Variants in ST7L observed in about 807,000 individuals in gnomAD.
ST7L encodes suppressor of tumorigenicity 7 protein-like.
A neutral mutation model predicts 72.5 loss-of-function variants in ST7L; 57 were observed. That is an observed-to-expected ratio of 0.79 (90% CI 0.64 to 0.98). The LOEUF is 0.98. Among genes scored for constraint, ST7L ranks in the 50% least tolerant of loss-of-function variants. ST7L has a pLI of 0.00. For synonymous variants in ST7L, 221 were observed against 240.9 expected, an observed-to-expected ratio of 0.92 and a Z score of 0.77; for missense variants, 576 against 672.2, an observed-to-expected ratio of 0.86 and a Z score of 1.58.
At chr1:112,548,044 G>A (rs1379089734) in intron 13 of ST7L, among the ~76,000 whole-genome samples, 1 of 151,918 alleles carries the variant, frequency 6.6e-6, no homozygotes, top group Non-Finnish European at 1.5e-5. Flanking sequence ...AATTTTTATG[G>A]TAACCATTAT....
At chr1:112,520,864 A>G (rs1274908093), downstream of ST7L, 2 of 265,644 alleles carry the variant, frequency 7.5e-6, no homozygotes, top group South Asian at 1.5e-4. Flanking sequence ...TTGGTGTGCA[A>G]GAGGAAGGGT....
At chr1:112,610,768 G>A in intron 3 of ST7L, 73 bp downstream of exon 3, 1 of 1,547,806 alleles carries the variant, frequency 6.5e-7, no homozygotes, top group South Asian at 1.2e-5. Context: ...CTGCTGTTTT[G>A]AGTTTTCTAT....
chr1:112,535,384 CTAA>C (rs202040552), intron 14 of ST7L, among the ~76,000 whole-genome samples: 1 of 148,420 alleles, frequency 6.7e-6, no homozygotes, highest in Non-Finnish European at 1.5e-5. Context: ...AATAATAATA[CTAA>C]TAATAATAAG....
intron 9 of ST7L, 54 bp from the exon 10 acceptor site, chr1:112,578,471 AT>A: frequency 6.7e-7 from 1 of 1,486,384 alleles, no homozygotes; most frequent in Non-Finnish European, 9.4e-7. Flanking sequence ...TATTGAGACA[AT>A]TTTTTAATAA....
chr1:112,580,859 C>T (rs185673811), intron 9 of ST7L, among the ~76,000 whole-genome samples: 29 of 152,292 alleles, frequency 1.9e-4, no homozygotes, highest in African/African-American at 5.5e-4. Flanking sequence ...ACCTGGGAAG[C>T]GGAGCTTGCA....
intron 13 of ST7L, among the ~76,000 whole-genome samples, chr1:112,544,895 G>A (rs1386588051): frequency 6.6e-6 from 1 of 152,090 alleles, no homozygotes; most frequent in Non-Finnish European, 1.5e-5. Flanking sequence ...TCAAAATAAT[G>A]GATGACTATT....
intron 11 of ST7L, among the ~76,000 whole-genome samples, chr1:112,559,464 C>T (rs531351907): frequency 1.9e-4 from 29 of 151,866 alleles, no homozygotes; most frequent in African/African-American, 6.8e-4. Context: ...GAACTCCTGA[C>T]CTCGTGATCC....
intron 11 of ST7L, among the ~76,000 whole-genome samples, chr1:112,568,560 CT>C: frequency 6.6e-6 from 1 of 151,438 alleles, no homozygotes; most frequent in African/African-American, 2.4e-5. Flanking sequence ...TGGTCTCGAT[CT>C]CCTGACCTTG....
chr1:112,617,927 CTTATT>C (rs904522281), intron 1 of ST7L: 19 of 1,204,652 alleles, frequency 1.6e-5, no homozygotes, highest in South Asian at 1.3e-4. Context: ...TTCAGTTTAG[CTTATT>C]TTAGAGTGCT....
intron 3 of ST7L, among the ~76,000 whole-genome samples, chr1:112,605,705 A>G (rs1668139598): frequency 2.0e-5 from 3 of 151,074 alleles, no homozygotes; most frequent in Admixed American, 2.0e-4. Context: ...AAAAAAAGAG[A>G]AAAAGCTTGA....
At chr1:112,551,828 C>G (rs980768668) in intron 12 of ST7L, among the ~76,000 whole-genome samples, 1 of 152,122 alleles carries the variant, frequency 6.6e-6, no homozygotes, top group African/African-American at 2.4e-5. Flanking sequence ...TATAATAAAA[C>G]CAATTTTACC....
intron 3 of ST7L, among the ~76,000 whole-genome samples, chr1:112,603,600 T>G (rs1404152664): frequency 6.6e-6 from 1 of 152,262 alleles, no homozygotes; most frequent in Non-Finnish European, 1.5e-5. Context: ...TTCTATTAAC[T>G]GAACTTTTTC....
At chr1:112,573,910 G>GTTTTTT (rs920123003) in intron 11 of ST7L, among the ~76,000 whole-genome samples, 8 of 91,850 alleles carry the variant, frequency 8.7e-5, no homozygotes, top group African/African-American at 2.2e-4. Flanking sequence ...TTCTTTTCCT[G>GTTTTTT]TTTTTTTTTT....
chr1:112,547,347 C>A (rs780589308), intron 13 of ST7L, among the ~76,000 whole-genome samples: 31 of 151,858 alleles, frequency 2.0e-4, no homozygotes, highest in Non-Finnish European at 3.7e-4. Context: ...CGCAAGCCAC[C>A]ACACCTGGCT....
At chr1:112,619,396 C>T, upstream of ST7L, 1 of 554,610 alleles carries the variant, frequency 1.8e-6, no homozygotes, top group Non-Finnish European at 3.2e-6. Flanking sequence ...ATGAGGGTCA[C>T]CTTTCACACC....
At chr1:112,617,715 TCTCA>T (rs1553176427) in intron 1 of ST7L, among the ~76,000 whole-genome samples, 6,997 of 123,058 alleles carry the variant, frequency 0.057, 441 homozygotes, top group African/African-American at 0.19. Flanking sequence ...TCTTTCTCTC[TCTCA>T]CACACACACA....
chr1:112,593,923 T>A (rs1558032874), intron 5 of ST7L, among the ~76,000 whole-genome samples: 1 of 152,180 alleles, frequency 6.6e-6, no homozygotes, highest in Non-Finnish European at 1.5e-5. Context: ...AAGATCAATA[T>A]GGAATCAACA....
intron 6 of ST7L, among the ~76,000 whole-genome samples, chr1:112,590,670 T>TTCC (rs1438951992): frequency 6.6e-6 from 1 of 152,192 alleles, no homozygotes. Flanking sequence ...TATTGATCTG[T>TTCC]TCCTTGTAAA....
At position 112,539,649 on chromosome 1, in the gene ST7L, C is replaced by A. The variant is rs573963194; in HGVS notation, c.1629+2302G>T. On this transcript the variant is annotated intron_variant, in intron 14 of 14. Transcript: ENST00000358039. The stretch of plus-strand genomic sequence containing the variant: ...CTAGTCTGGGTGACAGAGCGAGACT[C>A]TGTTTCAAAAAAAAAAAAAAAAAAG... 5.9e-4 allele frequency: 506 copies of A among 855,116 alleles called. 5 individuals are homozygous for A. The South Asian group carries it at 0.025, about 42-fold the overall frequency. The allele number at this position is 855,116 out of a possible 1,614,324, so 53.0% of individuals were successfully genotyped here.
Sources: gnomAD v4.1 joint callset for allele counts (sites outside exome capture counted in the v4.1 genomes callset) on GRCh38, gnomAD v4.1.1 for gene constraint, MANE v1.5 for transcripts, NCBI Gene and HGNC (gene_info 2026-07-23, HGNC 2026-07-21) for gene names.